STYXL1: variants seen among roughly 807,000 people sequenced by gnomAD.
STYXL1 encodes serine/threonine/tyrosine-interacting-like protein 1.
Under a neutral mutation model 36.4 loss-of-function variants are expected in STYXL1, and 32 were observed. The observed-to-expected ratio is 0.88, with a 90% CI of 0.66 to 1.18. The LOEUF is 1.18. Ranked by LOEUF, STYXL1 falls within the 50% of genes most tolerant of loss-of-function variation. The probability of loss-of-function intolerance (pLI) is 0.00; values close to 1 mark genes in which losing one functional copy is unlikely to be tolerated. For missense variants in STYXL1, 354 were observed against 394.1 expected, an observed-to-expected ratio of 0.90 and a Z score of 0.86; for synonymous variants, 133 against 144.1, an observed-to-expected ratio of 0.92 and a Z score of 0.55.
chr7:76,027,480 T>A (rs1044870020), intron 3 of STYXL1, among the ~76,000 whole-genome samples: 13 of 150,180 alleles, frequency 8.7e-5, no homozygotes, highest in African/African-American at 3.2e-4. Context: ...AAAAAAAAAA[T>A]TAGCATGTTG....
intron 5 of STYXL1, among the ~76,000 whole-genome samples, chr7:76,010,942 T>A (rs1259649760): frequency 6.6e-6 from 1 of 152,198 alleles, no homozygotes; most frequent in East Asian, 1.9e-4. Context: ...TGGCCAGGTG[T>A]GGTGGTTCAT....
Position 75,996,582 on chromosome 7 carries a change from G to A in STYXL1, c.828C>T (p.Val276=). The A allele has an allele frequency of 6.2e-7, 1 of 1,614,206 alleles. No individual in the cohort carries two copies. ...EQTLQRSWAY[V]KKCKNNMCPN... Reference sequence around the variant, plus strand: ...GACACATGTTGTTTTTGCACTTCTTGACATAGGCCCAGGACCTCTATGAAT... The same window carrying A: ...GACACATGTTGTTTTTGCACTTCTTAACATAGGCCCAGGACCTCTATGAAT... Residue 276 remains valine (V), a synonymous_variant, in exon 9 of 9, where the codon GTC becomes GTT. Coordinates refer to ENST00000359697, the MANE Select transcript of STYXL1 (RefSeq NM_001317785.2).
intron 8 of STYXL1, among the ~76,000 whole-genome samples, chr7:75,999,904 A>C (rs1790659843): frequency 6.6e-6 from 1 of 152,088 alleles, no homozygotes; most frequent in Non-Finnish European, 1.5e-5. Flanking sequence ...AGAGCTGTGC[A>C]GTCAAAAGGC....
chr7:76,046,583 G>A (rs1797113912), intron 1 of STYXL1, among the ~76,000 whole-genome samples: 1 of 151,082 alleles, frequency 6.6e-6, no homozygotes, highest in African/African-American at 2.4e-5. Flanking sequence ...CTGACCTCAG[G>A]TGATCTGCCC....
intron 5 of STYXL1, among the ~76,000 whole-genome samples, chr7:76,011,385 T>C (rs782748273): frequency 7.9e-5 from 12 of 152,222 alleles, no homozygotes; most frequent in Non-Finnish European, 1.8e-4. Flanking sequence ...AGATAAGGAC[T>C]TGTACTTTAT....
At chr7:76,030,559 A>G (rs782556302) in intron 1 of STYXL1, 32 bp from the exon 2 acceptor site, 1 of 1,355,484 alleles carries the variant, frequency 7.4e-7, no homozygotes. Context: ...CAAGGGTAAC[A>G]TAACTCTATT....
At chr7:76,040,823 TA>T (rs35135560) in intron 1 of STYXL1, among the ~76,000 whole-genome samples, 55,388 of 119,526 alleles carry the variant, frequency 0.46, 10,881 homozygotes, top group East Asian at 0.63. Flanking sequence ...GCAACACAGC[TA>T]AAAAAAAAAG....
intron 4 of STYXL1, among the ~76,000 whole-genome samples, chr7:76,018,605 G>C (rs1793677961): frequency 6.6e-6 from 1 of 152,072 alleles, no homozygotes; most frequent in African/African-American, 2.4e-5. Context: ...TGGCCAGGCT[G>C]GTCTTGAACT....
At chr7:76,030,297 C>T in intron 2 of STYXL1, 124 bp downstream of exon 2, 1 of 711,398 alleles carries the variant, frequency 1.4e-6, no homozygotes. Flanking sequence ...CCACACCCAG[C>T]CCAGGGATCC....
intron 1 of STYXL1, among the ~76,000 whole-genome samples, chr7:76,043,554 C>T (rs1796683804): frequency 6.6e-6 from 1 of 151,740 alleles, no homozygotes; most frequent in Non-Finnish European, 1.5e-5. Flanking sequence ...ATTGAAGCAG[C>T]AAGACTGAGA....
chr7:76,018,874 T>C (rs1015385015), intron 4 of STYXL1, among the ~76,000 whole-genome samples: 1 of 152,232 alleles, frequency 6.6e-6, no homozygotes, highest in Non-Finnish European at 1.5e-5. Context: ...TTGGGGTCTA[T>C]ATCTTAACCT....
intron 1 of STYXL1, among the ~76,000 whole-genome samples, chr7:76,034,070 G>A (rs1247064776): frequency 6.6e-6 from 1 of 152,188 alleles, no homozygotes; most frequent in Admixed American, 6.6e-5. Flanking sequence ...AATACTCAGT[G>A]AGTACTGGCC....
intron 8 of STYXL1, chr7:76,000,542 G>A: frequency 2.1e-6 from 1 of 471,268 alleles, no homozygotes; most frequent in Non-Finnish European, 4.2e-6. Context: ...CAGGGAGATA[G>A]ACGGGAGTGG....
chr7:76,042,714 G>A (rs550284330), intron 1 of STYXL1, among the ~76,000 whole-genome samples: 1 of 152,066 alleles, frequency 6.6e-6, no homozygotes, highest in South Asian at 2.1e-4. Context: ...GCCCTTATGT[G>A]CTTTTCTCCA....
intron 6 of STYXL1, among the ~76,000 whole-genome samples, chr7:76,004,806 C>T (rs1791451546): frequency 6.6e-6 from 1 of 152,056 alleles, no homozygotes; most frequent in African/African-American, 2.4e-5. Context: ...TCGAGACCAT[C>T]CTGGCTAACA....
Position 76,025,968 on chromosome 7 carries a change from G to A in STYXL1, c.165+2674C>T, listed in dbSNP as rs531509268. ...AGCACTTTGGGAGGCTGAGGTGGGC[G>A]GATCATGAGATCAGAAGATCGAGAG... On this transcript the variant is annotated intron_variant, in intron 3 of 8. Transcript: ENST00000359697. Among the ~76,000 whole-genome samples the A allele has an allele frequency of 1.4e-3, 208 of 151,534 alleles. 1 individual carries two copies. Among genetic ancestry groups the A allele is most frequent in the Non-Finnish European group, 2.4e-3 (166 of 67,902 alleles).
At chr7:76,001,635 A>G (rs1585177154) in intron 7 of STYXL1, among the ~76,000 whole-genome samples, 1 of 151,930 alleles carries the variant, frequency 6.6e-6, no homozygotes, top group East Asian at 1.9e-4. Flanking sequence ...CTGGGATTAC[A>G]AGCACCTGCC....
intron 3 of STYXL1, among the ~76,000 whole-genome samples, chr7:76,023,251 C>T (rs868944488): frequency 6.6e-5 from 10 of 152,284 alleles, no homozygotes; most frequent in South Asian, 4.1e-4. Context: ...CTCAGACTCC[C>T]ATCTTCCCAA....
intron 1 of STYXL1, among the ~76,000 whole-genome samples, chr7:76,032,233 A>AG: frequency 6.6e-6 from 1 of 151,894 alleles, no homozygotes; most frequent in East Asian, 1.9e-4. Context: ...TCTCTAAAAA[A>AG]AAAAAAAAAT....
Sources: allele counts gnomAD v4.1 joint callset (sites outside exome capture counted in the v4.1 genomes callset), GRCh38; gene constraint gnomAD v4.1.1; transcripts MANE v1.5; gene names NCBI Gene and HGNC (gene_info 2026-07-23, HGNC 2026-07-21).